The following RANBP2 variants were observed in gnomAD, a reference collection of about 807,000 sequenced individuals.
RANBP2 encodes the protein E3 SUMO-protein ligase RanBP2.
Under a neutral mutation model 303.6 loss-of-function variants are expected in RANBP2, and 57 were observed. The observed-to-expected ratio is 0.19, with a 90% CI of 0.15 to 0.23. The LOEUF (loss-of-function observed/expected upper bound fraction) is 0.23, where lower values mean the gene tolerates loss of function less well. Among genes scored for constraint, RANBP2 ranks in the 10% least tolerant of loss-of-function variants. The probability of loss-of-function intolerance (pLI) is 1.00; values close to 1 mark genes in which losing one functional copy is unlikely to be tolerated. For synonymous variants in RANBP2, 1,167 were observed against 1,301.5 expected (o/e 0.90, Z 2.23); for missense variants, 3,138 against 3,780.8 (o/e 0.83, Z 4.46).
chr2:109,734,047 C>T, the RANBP2 span, among the ~76,000 whole-genome samples: 3 of 151,822 alleles, frequency 2.0e-5, no homozygotes, highest in South Asian at 4.2e-4. Context: ...GGCATGATGT[C>T]GGGTGCCTGT....
the RANBP2 span, among the ~76,000 whole-genome samples, chr2:109,691,219 C>T: frequency 3.9e-3 from 591 of 152,296 alleles, 2 homozygotes; most frequent in African/African-American, 0.013. Context: ...GTTCAAGTAA[C>T]GCAACCAGGC....
the RANBP2 span, among the ~76,000 whole-genome samples, chr2:108,975,238 T>G: frequency 7.5e-4 from 114 of 152,266 alleles, no homozygotes; most frequent in Non-Finnish European, 1.4e-3. Context: ...AACACAGGGA[T>G]AGCAGCTGCG....
At chr2:109,046,283 G>A in the RANBP2 span, among the ~76,000 whole-genome samples, 3 of 146,816 alleles carry the variant, frequency 2.0e-5, no homozygotes, top group East Asian at 2.0e-4. Flanking sequence ...CAGCCTGGGC[G>A]ACAGTGCAAG....
intron 7 of RANBP2, among the ~76,000 whole-genome samples, chr2:108,742,813 G>C (rs888391587): frequency 7.2e-5 from 11 of 152,096 alleles, no homozygotes; most frequent in African/African-American, 2.7e-4. Context: ...TTTTGAGACG[G>C]AGTCTCACTC....
chr2:109,014,155 G>C, the RANBP2 span, among the ~76,000 whole-genome samples: 2 of 152,166 alleles, frequency 1.3e-5, no homozygotes, highest in Non-Finnish European at 2.9e-5. Context: ...ATTATCTCCT[G>C]CTAGATAATA....
In RANBP2 at chr2:108,730,899, T is replaced by G; in HGVS notation, c.252+14T>G. ...GAATGTTACAGGGTAAGTTACAGGA[T>G]TCAAATATAGCCTTTGCATAGCCAA... is the stretch of plus-strand genomic sequence containing the variant. On this transcript the variant is annotated intron_variant, in intron 3 of 28. Transcript: ENST00000283195. The G allele has an allele frequency of 6.2e-7, 1 of 1,611,614 alleles. No homozygotes were observed. Among genetic ancestry groups the G allele is most frequent in the South Asian group, 1.1e-5 (1 of 90,974 alleles).
the RANBP2 span, chr2:108,897,375 T>C: frequency 6.3e-6 from 5 of 796,438 alleles, no homozygotes; most frequent in East Asian, 2.7e-5. Flanking sequence ...CTAAAACAAA[T>C]GCATAACTTA....
the RANBP2 span, among the ~76,000 whole-genome samples, chr2:109,092,882 G>T: frequency 6.6e-6 from 1 of 152,196 alleles, no homozygotes; most frequent in Non-Finnish European, 1.5e-5. Context: ...ATGGAGAGAG[G>T]AGTATCACAG....
the RANBP2 span, among the ~76,000 whole-genome samples, chr2:109,015,167 A>G: frequency 1.4e-5 from 2 of 144,292 alleles, no homozygotes; most frequent in East Asian, 2.2e-4. Flanking sequence ...AAAGATAGTA[A>G]TAGAACTCAG....
the RANBP2 span, among the ~76,000 whole-genome samples, chr2:109,156,091 C>T: frequency 0.13 from 19,272 of 152,272 alleles, 1,340 homozygotes; most frequent in Non-Finnish European, 0.16. Flanking sequence ...TTGGCTGCCA[C>T]TTTGCAGGAT....
chr2:108,954,463 C>T, the RANBP2 span, among the ~76,000 whole-genome samples: 1 of 152,176 alleles, frequency 6.6e-6, no homozygotes, highest in African/African-American at 2.4e-5. Context: ...TATGTGGCCA[C>T]CAGTCCTGAA....
chr2:109,751,716 G>T, the RANBP2 span, among the ~76,000 whole-genome samples: 1 of 14,202 alleles, frequency 7.0e-5, no homozygotes, highest in Admixed American at 6.2e-4. Context: ...CAGAGAGAGT[G>T]CTCTGTATGC....
the RANBP2 span, among the ~76,000 whole-genome samples, chr2:109,225,444 C>T: frequency 1.3e-5 from 2 of 152,322 alleles, no homozygotes; most frequent in South Asian, 4.1e-4. Flanking sequence ...ACACAAACAA[C>T]TCCCTTTAAA....
the RANBP2 span, chr2:109,615,524 G>C: frequency 6.2e-7 from 1 of 1,613,932 alleles, no homozygotes; most frequent in Non-Finnish European, 8.5e-7. Flanking sequence ...ACACCGCCCT[G>C]CACTTGGCAG....
the RANBP2 span, among the ~76,000 whole-genome samples, chr2:109,734,407 C>T: frequency 6.6e-6 from 1 of 151,968 alleles, no homozygotes; most frequent in Non-Finnish European, 1.5e-5. Context: ...AAATTAAATA[C>T]TTAGAAATAA....
chr2:109,171,771 G>A, the RANBP2 span, among the ~76,000 whole-genome samples: 1 of 152,238 alleles, frequency 6.6e-6, no homozygotes, highest in African/African-American at 2.4e-5. Context: ...GCTCCCTGCC[G>A]TGCATCCCGG....
At chr2:109,053,475 A>G in the RANBP2 span, among the ~76,000 whole-genome samples, 2 of 152,200 alleles carry the variant, frequency 1.3e-5, no homozygotes, top group African/African-American at 4.8e-5. Context: ...CTCCCGGGTT[A>G]TAAAGGCAGG....
chr2:109,393,037 T>C, the RANBP2 span, among the ~76,000 whole-genome samples: 14 of 152,264 alleles, frequency 9.2e-5, no homozygotes, highest in South Asian at 1.9e-3. Context: ...TTGATCGAAG[T>C]CCAGCCCAGC....
the RANBP2 span, among the ~76,000 whole-genome samples, chr2:109,682,441 G>C: frequency 1.3e-5 from 2 of 152,200 alleles, no homozygotes. Flanking sequence ...TTGGAAATTT[G>C]CTCCAGCTGT....
Sources: allele counts gnomAD v4.1 joint callset (sites outside exome capture counted in the v4.1 genomes callset), GRCh38; gene constraint gnomAD v4.1.1; transcripts MANE v1.5; gene names NCBI Gene and HGNC (gene_info 2026-07-23, HGNC 2026-07-21).